AVEN: variants seen among roughly 807,000 people sequenced by gnomAD.
AVEN encodes cell death regulator Aven.
In AVEN, 41 loss-of-function variants were observed where a neutral mutation model predicts 38.1. The ratio of observed to expected loss-of-function variants is 1.08; its 90% CI spans 0.84 to 1.40. AVEN has a LOEUF of 1.40. Among genes scored for constraint, AVEN ranks in the 40% most tolerant of loss-of-function variants. The pLI, the probability that AVEN is intolerant of heterozygous loss-of-function variation, is 0.00. For missense variants in AVEN, 605 were observed against 438.8 expected, an observed-to-expected ratio of 1.38 and a Z score of -3.38; for synonymous variants, 206 against 171.8, an observed-to-expected ratio of 1.20 and a Z score of -1.56.
intron 2 of AVEN, among the ~76,000 whole-genome samples, chr15:33,990,459 G>A (rs1178151227): frequency 1.3e-5 from 2 of 152,104 alleles, no homozygotes; most frequent in Non-Finnish European, 2.9e-5. Context: ...AAGAGTAACT[G>A]GAATATAAGT....
chr15:33,897,593 A>G (rs7495348), intron 2 of AVEN, among the ~76,000 whole-genome samples: 124,596 of 152,068 alleles, frequency 0.82, 55,147 homozygotes, highest in Non-Finnish European at 0.98. Context: ...TTTAAACAAC[A>G]GCTGCCAGGC....
intron 11 of AVEN, chr15:33,860,522 G>T: frequency 2.3e-6 from 2 of 854,398 alleles, no homozygotes; most frequent in East Asian, 2.8e-5. Context: ...GAACAAAGTA[G>T]CTTCTTCCTT....
chr15:33,866,365 G>T lies in AVEN; in HGVS notation c.*248C>A, dbSNP rs1281765186. ...GCAAGGAAGGAGGCTAGAAACAAGG[G>T]CCAGAGTCTATCTCCTGCCCTTAAG... On this transcript the variant is annotated 3_prime_UTR_variant, in exon 6 of 6. Transcript: ENST00000306730. 2.3e-5 allele frequency: 12 copies of T among 531,748 alleles called. No homozygotes were observed. The South Asian group carries it at 3.1e-4, about 14-fold the overall frequency. The allele number at this position is 531,748 out of a possible 1,614,324, so 32.9% of individuals were successfully genotyped here. A position where few individuals can be genotyped will look rare whatever the true frequency, so the allele number is the denominator to read the frequency against.
At chr15:33,860,687 G>A (rs1887857949) in intron 11 of AVEN, 2 of 1,481,316 alleles carry the variant, frequency 1.4e-6, no homozygotes, top group Admixed American at 2.0e-5. Flanking sequence ...ACTAATCCCA[G>A]CTCTATTTTA....
chr15:33,858,177 T>C (rs928046393), downstream of AVEN: 3 of 410,762 alleles, frequency 7.3e-6, no homozygotes, highest in African/African-American at 5.9e-5. Context: ...GGCGTCATCA[T>C]TCATCTATTT....
At chr15:33,943,512 A>G (rs923093486) in intron 2 of AVEN, among the ~76,000 whole-genome samples, 3 of 152,228 alleles carry the variant, frequency 2.0e-5, no homozygotes, top group African/African-American at 7.2e-5. Flanking sequence ...AAGATGAACA[A>G]ATTCTAGACT....
In AVEN at chr15:33,859,712, C is replaced by T. The variant is rs368370540; in HGVS notation, n.2730-618G>A. 7.8e-4 allele frequency: 1,264 copies of T among 1,610,428 alleles called. 1 individual carries two copies. The highest frequency in any genetic ancestry group is 1.0e-3 in the Non-Finnish European group (1,188 of 1,177,966). On this transcript the variant is annotated intron_variant and non_coding_transcript_variant, in intron 11 of 11. Transcript: ENST00000675287. Reference sequence around the variant, plus strand: ...CCTTTTTCTTCTTCGTCATTGTCATCTTGCTGGCCATCATTCAAGGTATGA... The same window carrying T: ...CCTTTTTCTTCTTCGTCATTGTCATTTTGCTGGCCATCATTCAAGGTATGA...
chr15:33,947,156 G>T (rs915902651), intron 2 of AVEN, among the ~76,000 whole-genome samples: 4 of 152,088 alleles, frequency 2.6e-5, no homozygotes, highest in African/African-American at 9.7e-5. Context: ...AAAGTCAAGC[G>T]CAAGACTCCA....
At chr15:33,876,853 CA>C (rs1265307005) in intron 2 of AVEN, among the ~76,000 whole-genome samples, 2 of 152,064 alleles carry the variant, frequency 1.3e-5, no homozygotes, top group Admixed American at 6.5e-5. Context: ...AGCAGCCATA[CA>C]AATCATATTC....
At chr15:34,071,863 G>A (rs945033694) in intron 1 of AVEN, among the ~76,000 whole-genome samples, 1 of 152,132 alleles carries the variant, frequency 6.6e-6, no homozygotes, top group Non-Finnish European at 1.5e-5. Flanking sequence ...CCAAAAGATA[G>A]GACTTATCAA....
Position 34,031,166 on chromosome 15 carries a change from TAA to T in AVEN, c.267+7612_267+7613del, listed in dbSNP as rs1898779952. ...TATCCCAATTATGCTTTGCTTAGGT[TAA>T]TTTTTTTTTTTTTTTTTTTTTTTGA... On this transcript the variant is annotated intron_variant, in intron 1 of 5. Coordinates refer to ENST00000306730, the MANE Select transcript of AVEN (RefSeq NM_020371.3). Among the ~76,000 whole-genome samples the T allele has an allele frequency of 3.1e-5, 3 of 97,814 alleles. 1 individual carries two copies. In the South Asian group the frequency reaches 1.2e-3, roughly 39 times the overall value. The allele number at this position is 97,814 out of a possible 152,430, so 64.2% of individuals were successfully genotyped here.
intron 2 of AVEN, among the ~76,000 whole-genome samples, chr15:33,916,366 C>G (rs905128117): frequency 3.3e-5 from 5 of 152,156 alleles, no homozygotes; most frequent in African/African-American, 1.2e-4. Flanking sequence ...TGTGCAGACA[C>G]CCCCCAGTAC....
At chr15:33,962,675 A>ATG (rs1379022872) in intron 2 of AVEN, among the ~76,000 whole-genome samples, 1 of 38,762 alleles carries the variant, frequency 2.6e-5, no homozygotes, top group South Asian at 2.1e-3. Context: ...CCTGCATAAT[A>ATG]TCTGTCTGTC....
chr15:33,854,741 A>C (rs1202911983), downstream of AVEN: 1 of 1,583,416 alleles, frequency 6.3e-7, no homozygotes, highest in East Asian at 2.2e-5. Flanking sequence ...AACATGCTTA[A>C]AAGTCTGCTT....
intron 11 of AVEN, among the ~76,000 whole-genome samples, chr15:33,859,336 CT>C (rs2080086744): frequency 1.3e-5 from 2 of 152,208 alleles, no homozygotes; most frequent in African/African-American, 4.8e-5. Flanking sequence ...TTTAATGGGC[CT>C]AAAAATACCT....
chr15:33,865,505 A>G (rs1567376463), downstream of AVEN: 3 of 371,530 alleles, frequency 8.1e-6, no homozygotes, highest in Non-Finnish European at 1.5e-5. Context: ...TTCTGAGGTA[A>G]CTAGTTCAGT....
At chr15:33,913,921 T>C (rs1893016816) in intron 2 of AVEN, among the ~76,000 whole-genome samples, 1 of 152,222 alleles carries the variant, frequency 6.6e-6, no homozygotes, top group South Asian at 2.1e-4. Context: ...GGGCTGAAAA[T>C]GGGAAATATG....
chr15:33,941,786 C>T (rs1346385826), intron 2 of AVEN, among the ~76,000 whole-genome samples: 2 of 152,084 alleles, frequency 1.3e-5, no homozygotes, highest in South Asian at 2.1e-4. Context: ...ATATGGAAAA[C>T]GTCATTGCTT....
At chr15:34,047,066 T>C (rs1899721496) in intron 5 of AVEN, among the ~76,000 whole-genome samples, 2 of 120,854 alleles carry the variant, frequency 1.7e-5, no homozygotes, top group African/African-American at 2.8e-5. Flanking sequence ...TTTTGGTTTT[T>C]TTGTTGGTTT....
Sources: allele counts gnomAD v4.1 joint callset (sites outside exome capture counted in the v4.1 genomes callset), GRCh38; gene constraint gnomAD v4.1.1; transcripts MANE v1.5; gene names NCBI Gene and HGNC (gene_info 2026-07-23, HGNC 2026-07-21).